Variants in VSNL1 observed in about 807,000 individuals in gnomAD.
VSNL1 encodes the protein visinin like 1, also known as visinin-like protein 1.
In VSNL1, 6 loss-of-function variants were observed where a neutral mutation model predicts 20.4. The observed-to-expected ratio is 0.29, with a 90% CI of 0.16 to 0.58. VSNL1 has a LOEUF of 0.58. Among genes scored for constraint, VSNL1 ranks in the 20% least tolerant of loss-of-function variants. The pLI is 0.90. For synonymous variants in VSNL1, 93 were observed against 86.4 expected, an observed-to-expected ratio of 1.08 and a Z score of -0.42; for missense variants, 100 against 234.5, an observed-to-expected ratio of 0.43 and a Z score of 3.75.
intron 2 of VSNL1, among the ~76,000 whole-genome samples, chr2:17,645,542 CT>C (rs1006444900): frequency 6.6e-6 from 1 of 152,220 alleles, no homozygotes; most frequent in African/African-American, 2.4e-5. Context: ...ATCACTCAGC[CT>C]TTCTGTGCCC....
intron 1 of VSNL1, among the ~76,000 whole-genome samples, chr2:17,580,214 G>T (rs1273189989): frequency 6.6e-6 from 1 of 152,160 alleles, no homozygotes; most frequent in Non-Finnish European, 1.5e-5. Flanking sequence ...CACCACTTCT[G>T]GGTGCCTATG....
intron 2 of VSNL1, among the ~76,000 whole-genome samples, chr2:17,607,045 C>A (rs747601887): frequency 2.6e-5 from 4 of 152,186 alleles, no homozygotes; most frequent in Non-Finnish European, 5.9e-5. Flanking sequence ...CATCCCTGAG[C>A]TGCAGAATTA....
At chr2:17,597,215 C>A (rs1453806306) in intron 2 of VSNL1, among the ~76,000 whole-genome samples, 1 of 152,196 alleles carries the variant, frequency 6.6e-6, no homozygotes, top group Non-Finnish European at 1.5e-5. Context: ...AACTCTGTGT[C>A]CCCTAAGCAC....
intron 2 of VSNL1, among the ~76,000 whole-genome samples, chr2:17,611,124 C>T (rs1665074103): frequency 6.6e-6 from 1 of 152,170 alleles, no homozygotes; most frequent in East Asian, 1.9e-4. Context: ...ATGTAGCATT[C>T]GCTGTGTACC....
At chr2:17,577,439 T>C (rs1271750183) in intron 1 of VSNL1, among the ~76,000 whole-genome samples, 2 of 152,228 alleles carry the variant, frequency 1.3e-5, no homozygotes, top group Admixed American at 1.3e-4. Context: ...CCCCTTGTTC[T>C]GAAAAGCTTC....
chr2:17,577,343 T>A (rs575311893), intron 1 of VSNL1, among the ~76,000 whole-genome samples: 1 of 152,360 alleles, frequency 6.6e-6, no homozygotes, highest in Non-Finnish European at 1.5e-5. Context: ...TTTTAAAAGA[T>A]GGCATATGGT....
At chr2:17,587,015 C>G (rs1664491140) in intron 1 of VSNL1, among the ~76,000 whole-genome samples, 1 of 152,130 alleles carries the variant, frequency 6.6e-6, no homozygotes, top group Non-Finnish European at 1.5e-5. Flanking sequence ...ACTGACCAGC[C>G]CATTGCAGCC....
chr2:17,637,905 G>A lies in VSNL1; in HGVS notation c.163-11505G>A, dbSNP rs191952075. ...AGGTTGACGCAGCACTTTCCCGGAC[G>A]TGGTCTCACATAACTCCCCCACGGC... On this transcript the variant is annotated intron_variant, in intron 2 of 3. Coordinates refer to ENST00000295156, the MANE Select transcript of VSNL1 (RefSeq NM_003385.5). 3.6e-4 allele frequency among the ~76,000 whole-genome samples: 55 copies of A among 152,272 alleles called. No homozygotes were observed. In the East Asian group the frequency reaches 9.7e-3, roughly 27 times the overall value.
intron 2 of VSNL1, among the ~76,000 whole-genome samples, chr2:17,644,145 GTCC>G (rs1665943219): frequency 6.6e-6 from 1 of 151,800 alleles, no homozygotes; most frequent in African/African-American, 2.4e-5. Context: ...CTACAATGGG[GTCC>G]TATTCCTGGG....
intron 1 of VSNL1, among the ~76,000 whole-genome samples, chr2:17,552,725 A>G (rs1558279508): frequency 6.6e-6 from 1 of 151,950 alleles, no homozygotes; most frequent in Non-Finnish European, 1.5e-5. Flanking sequence ...TCTCCTAAGT[A>G]TTTTTTTTAA....
At chr2:17,561,896 G>A (rs1663824991) in intron 1 of VSNL1, among the ~76,000 whole-genome samples, 2 of 152,216 alleles carry the variant, frequency 1.3e-5, no homozygotes, top group South Asian at 2.1e-4. Flanking sequence ...CTTAACAATA[G>A]CCAAGAAGTT....
chr2:17,617,178 C>T (rs943910057), intron 2 of VSNL1, among the ~76,000 whole-genome samples: 5 of 152,134 alleles, frequency 3.3e-5, no homozygotes, highest in African/African-American at 7.2e-5. Flanking sequence ...TGGAGCTCAG[C>T]GGAGGGAAAG....
chr2:17,653,607 T>G (rs1666166598), intron 3 of VSNL1, among the ~76,000 whole-genome samples: 1 of 152,212 alleles, frequency 6.6e-6, no homozygotes, highest in African/African-American at 2.4e-5. Context: ...CCATGATACA[T>G]CAATACCATC....
At chr2:17,593,741 C>T (rs1477512024) in intron 2 of VSNL1, among the ~76,000 whole-genome samples, 1 of 152,170 alleles carries the variant, frequency 6.6e-6, no homozygotes, top group African/African-American at 2.4e-5. Context: ...TATAGAAGTG[C>T]TGAGAAAGTG....
Position 17,540,806 on chromosome 2 carries a change from G to A in VSNL1, c.-118G>A, listed in dbSNP as rs928166120. The A allele has an allele frequency of 5.2e-5, 8 of 152,692 alleles. No homozygotes were observed. The highest frequency in any genetic ancestry group is 2.0e-4 in the Admixed American group (3 of 15,292). 9.5% of individuals were successfully genotyped at this position (152,692 alleles called of 1,614,324 possible). A position where few individuals can be genotyped will look rare whatever the true frequency, so the allele number is the denominator to read the frequency against. On this transcript the variant is annotated 5_prime_UTR_variant, in exon 1 of 4. Coordinates refer to ENST00000295156, the MANE Select transcript of VSNL1 (RefSeq NM_003385.5). The stretch of plus-strand genomic sequence containing the variant: ...AGCTCCAGAGAAAAAGAGAGCGAGA[G>A]AGAACCACACACAGAGACGGCTTAA...
chr2:17,576,973 T>C (rs1016080695), intron 1 of VSNL1, among the ~76,000 whole-genome samples: 2 of 152,260 alleles, frequency 1.3e-5, no homozygotes, highest in Non-Finnish European at 2.9e-5. Context: ...AAATGTATCA[T>C]TGTGCAAACA....
At chr2:17,641,113 T>C (rs1286788963) in intron 2 of VSNL1, among the ~76,000 whole-genome samples, 1 of 152,248 alleles carries the variant, frequency 6.6e-6, no homozygotes, top group Non-Finnish European at 1.5e-5. Flanking sequence ...AGTGTTCTCA[T>C]CATTGTCACC....
Position 17,600,295 on chromosome 2 carries a change from G to A in VSNL1, c.162+8059G>A, listed in dbSNP as rs187901398. 2.9e-4 allele frequency among the ~76,000 whole-genome samples: 44 copies of A among 152,200 alleles called. No homozygotes were observed. The South Asian group carries it at 8.7e-3, about 30-fold the overall frequency. On this transcript the variant is annotated intron_variant, in intron 2 of 3. Transcript: ENST00000295156. ...TAACACTCTGGGCCTTGCTTATTTC[G>A]TGGGCTCTTGTTGAGATAGGAGGGT... is the stretch of plus-strand genomic sequence containing the variant.
At chr2:17,561,335 G>T (rs1485598979) in intron 1 of VSNL1, among the ~76,000 whole-genome samples, 1 of 152,154 alleles carries the variant, frequency 6.6e-6, no homozygotes, top group African/African-American at 2.4e-5. Flanking sequence ...CACAGAAAGA[G>T]TGCTCCCCAC....
Sources: allele counts gnomAD v4.1 joint callset (sites outside exome capture counted in the v4.1 genomes callset), GRCh38; gene constraint gnomAD v4.1.1; transcripts MANE v1.5; gene names NCBI Gene and HGNC (gene_info 2026-07-23, HGNC 2026-07-21).